The following CCDC60 variants were observed in gnomAD, a reference collection of about 807,000 sequenced individuals.
CCDC60 encodes coiled-coil domain-containing protein 60.
Under a neutral mutation model 63.5 loss-of-function variants are expected in CCDC60, and 54 were observed. The observed-to-expected ratio is 0.85, with a 90% CI of 0.68 to 1.07. CCDC60 has a LOEUF of 1.07. CCDC60 is among the 50% of genes least tolerant of loss of function. The pLI, the probability that CCDC60 is intolerant of heterozygous loss-of-function variation, is 0.00. For missense variants in CCDC60, 651 were observed against 684.3 expected, an observed-to-expected ratio of 0.95 and a Z score of 0.54; for synonymous variants, 206 against 238.8, an observed-to-expected ratio of 0.86 and a Z score of 1.27.
chr12:119,531,031 C>T lies in CCDC60; in HGVS notation c.1519C>T (p.Leu507=). The T allele has an allele frequency of 6.2e-7, 1 of 1,614,126 alleles. No homozygotes were observed. The highest frequency in any genetic ancestry group is 8.5e-7 in the Non-Finnish European group (1 of 1,179,998). Reference sequence around the variant, plus strand: ...GCTGCAGGATCTGAGGATTTGGGAACTGTGCTCCCCTGACATCGCTGTGGC... The same window carrying T: ...GCTGCAGGATCTGAGGATTTGGGAATTGTGCTCCCCTGACATCGCTGTGGC... ...KVLQDLRIWE[L]CSPDIAVAIE... Residue 507 remains leucine (L), a synonymous_variant, in exon 13 of 14, where the codon CTG becomes TTG. Transcript: ENST00000327554.
chr12:119,497,597 A>C (rs1951742301), intron 5 of CCDC60, among the ~76,000 whole-genome samples: 1 of 152,186 alleles, frequency 6.6e-6, no homozygotes, highest in African/African-American at 2.4e-5. Flanking sequence ...AATAGTTAAG[A>C]TTTTGAAAGC....
intron 2 of CCDC60, among the ~76,000 whole-genome samples, chr12:119,457,814 G>A (rs1042593518): frequency 1.3e-5 from 2 of 152,168 alleles, no homozygotes; most frequent in African/African-American, 4.8e-5. Context: ...TGTAATAAAT[G>A]TATTCCAAAT....
intron 1 of CCDC60, among the ~76,000 whole-genome samples, chr12:119,415,566 A>G (rs1262366490): frequency 6.6e-6 from 1 of 152,216 alleles, no homozygotes; most frequent in Admixed American, 6.5e-5. Flanking sequence ...CTATGTGGAC[A>G]ATGGACAAGG....
intron 8 of CCDC60, among the ~76,000 whole-genome samples, chr12:119,519,410 T>C (rs1196350116): frequency 8.4e-6 from 1 of 118,966 alleles, no homozygotes; most frequent in Non-Finnish European, 1.6e-5. Context: ...TATGTGTGTG[T>C]GTGTGTGTGT....
chr12:119,392,973 G>A (rs1008653144), intron 1 of CCDC60, among the ~76,000 whole-genome samples: 51 of 152,180 alleles, frequency 3.4e-4, no homozygotes, highest in Non-Finnish European at 1.2e-4. Flanking sequence ...TGGGCAACAC[G>A]GCAAGAATCC....
chr12:119,346,104 T>G (rs565046406), intron 1 of CCDC60, among the ~76,000 whole-genome samples: 29 of 150,922 alleles, frequency 1.9e-4, no homozygotes, highest in Admixed American at 7.3e-4. Flanking sequence ...GGATTACAGG[T>G]GTGAGCCACT....
In CCDC60 at chr12:119,514,179, C is replaced by CT. The variant is rs953530626; in HGVS notation, c.884-2433dup. Among the ~76,000 whole-genome samples, 180 of 145,836 alleles carry CT rather than the reference C, an allele frequency of 1.2e-3. 1 individual carries two copies. The highest frequency in any genetic ancestry group is 0.011 in the Middle Eastern group (3 of 282). On this transcript the variant is annotated intron_variant, in intron 7 of 13. Transcript: ENST00000327554. ...GTGGCTTAGTTTCCTTTTCTTTTTTCTTTTTTTTTTTCCTGAGACAAAGTT... is the reference window on the plus strand; with the variant it reads ...GTGGCTTAGTTTCCTTTTCTTTTTTCTTTTTTTTTTTTCCTGAGACAAAGTT...
rs958941814 is a variant in CCDC60, at chr12:119,335,036, C to A, written c.-141C>A. 1 of 629,378 alleles carries A rather than the reference C, an allele frequency of 1.6e-6. No homozygotes were observed. The highest frequency in any genetic ancestry group is 2.8e-6 in the Non-Finnish European group (1 of 363,072). 39.0% of individuals were successfully genotyped at this position (629,378 alleles called of 1,614,324 possible). A position where few individuals can be genotyped will look rare whatever the true frequency, so the allele number is the denominator to read the frequency against. On this transcript the variant is annotated 5_prime_UTR_variant, in exon 1 of 14. Coordinates refer to ENST00000327554, the MANE Select transcript of CCDC60 (RefSeq NM_178499.5). ...TTTCTCATTACTCTTCAGAAGGAAACCGCTTTGGAGTTCGTGTAATTGGGA... is the reference window on the plus strand; with the variant it reads ...TTTCTCATTACTCTTCAGAAGGAAAACGCTTTGGAGTTCGTGTAATTGGGA...
chr12:119,386,115 C>T (rs536661428), intron 1 of CCDC60, among the ~76,000 whole-genome samples: 5 of 152,280 alleles, frequency 3.3e-5, no homozygotes, highest in Middle Eastern at 3.4e-3. Context: ...TCCCTGAAGG[C>T]GGCAAGCCTT....
At chr12:119,451,531 C>A (rs1950636393) in intron 2 of CCDC60, among the ~76,000 whole-genome samples, 1 of 152,110 alleles carries the variant, frequency 6.6e-6, no homozygotes, top group South Asian at 2.1e-4. Flanking sequence ...TCTTTTCACT[C>A]CAAAATTCTC....
chr12:119,496,035 G>A (rs998130760), intron 5 of CCDC60, among the ~76,000 whole-genome samples: 3 of 152,096 alleles, frequency 2.0e-5, no homozygotes, highest in African/African-American at 7.2e-5. Flanking sequence ...CTCCACTGTG[G>A]TACTCCAGTG....
At chr12:119,429,294 C>A (rs1399396640) in intron 2 of CCDC60, among the ~76,000 whole-genome samples, 4 of 152,178 alleles carry the variant, frequency 2.6e-5, no homozygotes, top group Non-Finnish European at 1.5e-5. Context: ...TTCCTCTCCT[C>A]ACTCCCTATT....
chr12:119,469,887 G>C (rs932703539), intron 2 of CCDC60, among the ~76,000 whole-genome samples: 2 of 152,232 alleles, frequency 1.3e-5, no homozygotes, highest in African/African-American at 4.8e-5. Context: ...AGAATGTTTT[G>C]TGTTGTGGGT....
chr12:119,520,299 G>A (rs187508505), intron 9 of CCDC60, 107 bp downstream of exon 9: 1 of 951,584 alleles, frequency 1.1e-6, no homozygotes, highest in African/African-American at 1.7e-5. Flanking sequence ...GGACAGGAAA[G>A]AGGGAACTTT....
At chr12:119,443,487 G>T (rs1950483793) in intron 2 of CCDC60, among the ~76,000 whole-genome samples, 1 of 152,128 alleles carries the variant, frequency 6.6e-6, no homozygotes, top group Non-Finnish European at 1.5e-5. Flanking sequence ...TGCTAGACGG[G>T]AAATGGCCTT....
intron 7 of CCDC60, 51 bp from the exon 8 acceptor site, chr12:119,516,572 C>T (rs533573906): frequency 7.6e-7 from 1 of 1,323,656 alleles, no homozygotes; most frequent in East Asian, 2.3e-5. Context: ...CTGCACAATC[C>T]TGTCTCAGGG....
At chr12:119,423,945 GAATT>G (rs1367716759) in intron 1 of CCDC60, among the ~76,000 whole-genome samples, 19 of 152,216 alleles carry the variant, frequency 1.2e-4, no homozygotes, top group African/African-American at 4.6e-4. Flanking sequence ...TGCCTTGAGA[GAATT>G]AGTCAAAATT....
chr12:119,443,663 G>A (rs1005088474), intron 2 of CCDC60, among the ~76,000 whole-genome samples: 22 of 152,076 alleles, frequency 1.4e-4, no homozygotes, highest in African/African-American at 4.3e-4. Context: ...ATTTCCTCAC[G>A]GCTCTATTCC....
chr12:119,540,130 G>A (rs2695509), intron 13 of CCDC60, among the ~76,000 whole-genome samples: 49,809 of 152,028 alleles, frequency 0.33, 8,501 homozygotes, highest in African/African-American at 0.44. Flanking sequence ...CTATTCAGCC[G>A]TCTTGCTAGC....
Sources: allele counts gnomAD v4.1 joint callset (sites outside exome capture counted in the v4.1 genomes callset), GRCh38; gene constraint gnomAD v4.1.1; transcripts MANE v1.5; gene names NCBI Gene and HGNC (gene_info 2026-07-23, HGNC 2026-07-21).